The following SH3TC2 variants were observed in gnomAD, a reference collection of about 807,000 sequenced individuals.
SH3TC2 encodes the protein SH3 domain and tetratricopeptide repeats 2, also known as SH3 domain and tetratricopeptide repeat-containing protein 2.
SH3TC2 carries 87 observed loss-of-function variants against 124.5 expected under a neutral mutation model. The observed-to-expected ratio is 0.70, with a 90% CI of 0.59 to 0.84. SH3TC2 has a LOEUF of 0.84. SH3TC2 is among the 40% of genes least tolerant of loss of function. The pLI is 0.00. For synonymous variants in SH3TC2, 634 were observed against 628.5 expected, an observed-to-expected ratio of 1.01 and a Z score of -0.13; for missense variants, 1,536 against 1,566.4, an observed-to-expected ratio of 0.98 and a Z score of 0.33.
Position 149,006,906 on chromosome 5 carries a change from C to T in SH3TC2, c.3650G>A (p.Gly1217Asp), listed in dbSNP as rs758669363. ...CTTCAGCTGGCAGAAGGTGAGTCTGCCCAGGCGATAATACACCTTGGCATA... is the reference window on the plus strand; with the variant it reads ...CTTCAGCTGGCAGAAGGTGAGTCTGTCCAGGCGATAATACACCTTGGCATA... ...LYYAKVYYRL[G>D]RLTFCQLKDA... The change falls in exon 16 of 17, where the codon GGC (glycine) becomes GAC (aspartate). Residue 1217 changes from glycine (G) to aspartate (D), a missense_variant. Gly to Asp is a moderately conservative substitution (Grantham distance 94). Coordinates refer to ENST00000515425, the MANE Select transcript of SH3TC2 (RefSeq NM_024577.4). 1.1e-5 allele frequency: 17 copies of T among 1,613,940 alleles called. No homozygotes were observed. The South Asian group carries it at 1.3e-4, about 13-fold the overall frequency.
intron 1 of SH3TC2, among the ~76,000 whole-genome samples, chr5:149,059,477 C>T (rs1754708034): frequency 6.6e-6 from 1 of 151,958 alleles, no homozygotes. Flanking sequence ...CATTTATCTG[C>T]ATGTTTTTTT....
intron 12 of SH3TC2, chr5:149,025,960 T>C (rs1288152250): frequency 2.0e-5 from 3 of 153,266 alleles, no homozygotes; most frequent in Non-Finnish European, 4.4e-5. Flanking sequence ...AAAGTTGAAA[T>C]TGTAATCTAA....
At chr5:149,018,593 G>T (rs1310520455) in intron 12 of SH3TC2, among the ~76,000 whole-genome samples, 1 of 152,038 alleles carries the variant, frequency 6.6e-6, no homozygotes, top group Non-Finnish European at 1.5e-5. Context: ...AAGAGTATGG[G>T]GGAAACCGTG....
chr5:149,003,853 A>G lies in SH3TC2; in HGVS notation c.*858T>C. 4.3e-6 allele frequency: 1 copy of G among 233,126 alleles called. No individual in the cohort carries two copies. The highest frequency in any genetic ancestry group is 1.4e-4 in the East Asian group (1 of 7,066). The allele number at this position is 233,126 out of a possible 1,614,324, so 14.4% of individuals were successfully genotyped here. A position where few individuals can be genotyped will look rare whatever the true frequency, so the allele number is the denominator to read the frequency against. ...GCAACAGAGGAGAAACTGTCTCAAA[A>G]AAAAAAAAAAAAAAAAAAGACATGT... On this transcript the variant is annotated 3_prime_UTR_variant, in exon 17 of 17. Transcript: ENST00000515425.
At chr5:149,058,798 CA>C (rs1211996301) in intron 1 of SH3TC2, among the ~76,000 whole-genome samples, 16 of 151,992 alleles carry the variant, frequency 1.1e-4, no homozygotes, top group Admixed American at 6.6e-4. Context: ...TTAAGGCAGG[CA>C]GGGGTGTTTA....
chr5:149,059,264 G>A (rs1436343916), intron 1 of SH3TC2, among the ~76,000 whole-genome samples: 2 of 151,990 alleles, frequency 1.3e-5, no homozygotes, highest in African/African-American at 4.8e-5. Flanking sequence ...CAAATCAATG[G>A]GTAGGAATGG....
chr5:149,012,738 G>T lies in SH3TC2; in HGVS notation c.3054-4C>A, dbSNP rs1204295942. 1.2e-6 allele frequency: 2 copies of T among 1,614,084 alleles called. No individual in the cohort carries two copies. The highest frequency in any genetic ancestry group is 4.5e-5 in the East Asian group (2 of 44,876). The stretch of plus-strand genomic sequence containing the variant: ...TGTGAGTGACCTCCTGAGGGACCTG[G>T]GGACAGACATGAACTTGTGAGGTGT... On this transcript the variant is annotated splice_region_variant and splice_polypyrimidine_tract_variant and intron_variant, in intron 12 of 16. Coordinates refer to ENST00000515425, the MANE Select transcript of SH3TC2 (RefSeq NM_024577.4).
rs367587126 is a variant in SH3TC2, at chr5:149,001,273, A to C, written c.*3438T>G. The stretch of plus-strand genomic sequence containing the variant: ...GACAAAAGCAATATTGGATTTCAGA[A>C]TGTTAATACTGTTGGACAGGGAACT... On this transcript the variant is annotated 3_prime_UTR_variant, in exon 17 of 17. Coordinates refer to ENST00000515425, the MANE Select transcript of SH3TC2 (RefSeq NM_024577.4). The C allele has an allele frequency of 1.1e-3, 166 of 152,350 alleles. No homozygotes were observed. The highest frequency in any genetic ancestry group is 3.8e-3 in the African/African-American group (158 of 41,576). The allele number at this position is 152,350 out of a possible 1,614,324, so 9.4% of individuals were successfully genotyped here. A position where few individuals can be genotyped will look rare whatever the true frequency, so the allele number is the denominator to read the frequency against.
In SH3TC2 at chr5:149,008,896, C is replaced by A. The variant is rs141715248; in HGVS notation, c.3433G>T (p.Ala1145Ser). Reference protein sequence around the residue: ...LQISLEGYEKALEFATLAARL... With the variant: ...LQISLEGYEKSLEFATLAARL... ...GCGGCCAGGGTGGCAAATTCCAAAGCCTTCTCATAGCCTTCGAGGCTAATC... is the reference window on the plus strand; with the variant it reads ...GCGGCCAGGGTGGCAAATTCCAAAGACTTCTCATAGCCTTCGAGGCTAATC... The change falls in exon 15 of 17, where the codon GCT becomes TCT. Residue 1145 changes from alanine (A) to serine (S), a missense_variant. Physicochemically the swap from Ala to Ser is moderately conservative, Grantham distance 99 (BLOSUM62 1). Transcript: ENST00000515425. The A allele has an allele frequency of 1.2e-5, 19 of 1,614,080 alleles. No homozygotes were observed. Among genetic ancestry groups the A allele is most frequent in the Non-Finnish European group, 1.5e-5 (18 of 1,180,040 alleles).
chr5:149,020,275 A>T (rs1753947185), intron 12 of SH3TC2, among the ~76,000 whole-genome samples: 3 of 152,230 alleles, frequency 2.0e-5, no homozygotes, highest in Admixed American at 1.3e-4. Context: ...TTTTATTTTT[A>T]AAAAATGTTA....
rs1371058505 is a variant in SH3TC2, at chr5:149,040,641, A to G, written c.768T>C (p.Leu256=). 6.2e-6 allele frequency: 10 copies of G among 1,614,054 alleles called. No homozygotes were observed. The highest frequency in any genetic ancestry group is 1.7e-5 in the Admixed American group (1 of 60,008). ...AGCCTGTCCAATCCCTCTTCCTGGA[A>G]AGGCCACAGCTTCCTGGATAATTCT... ...FLKNYPGSCG[L]SRKRDWTGSY... is the part of the protein sequence containing the mutation. The change falls in exon 7 of 17, where the codon CTT becomes CTC. Residue 256 remains leucine (L), a synonymous_variant. Coordinates refer to ENST00000515425, the MANE Select transcript of SH3TC2 (RefSeq NM_024577.4).
In SH3TC2 at chr5:149,000,122, A is replaced by T. The variant is rs1442853322; in HGVS notation, c.*4589T>A. 6.6e-6 allele frequency among the ~76,000 whole-genome samples: 1 copy of T among 152,196 alleles called. No individual in the cohort carries two copies. The highest frequency in any genetic ancestry group is 1.5e-5 in the Non-Finnish European group (1 of 68,036). ...ATCCCTTCCCCGCAGTGCCTGTAAC[A>T]TCCTGTAACTAACACCAATCACAAT... On this transcript the variant is annotated 3_prime_UTR_variant, in exon 17 of 17. Transcript: ENST00000515425.
intron 9 of SH3TC2, 93 bp downstream of exon 9, chr5:149,031,461 T>C: frequency 6.5e-7 from 1 of 1,538,082 alleles, no homozygotes; most frequent in Admixed American, 1.7e-5. Flanking sequence ...ATGAATAGGA[T>C]TAGAATTTAG....
chr5:149,032,634 C>T (rs918874587), intron 8 of SH3TC2, among the ~76,000 whole-genome samples: 4 of 152,186 alleles, frequency 2.6e-5, no homozygotes, highest in African/African-American at 9.7e-5. Flanking sequence ...AAGGCACGTA[C>T]TACTCTTATC....
rs762867374 is a variant in SH3TC2, at chr5:149,047,968, A to T, written c.173T>A (p.Val58Glu). 1 of 1,614,134 alleles carries T rather than the reference A, an allele frequency of 6.2e-7. No homozygotes were observed. Among genetic ancestry groups the T allele is most frequent in the Non-Finnish European group, 8.5e-7 (1 of 1,179,996 alleles). Residue 58 changes from valine (V) to glutamate (E), a missense_variant, in exon 3 of 17, where the codon GTA (valine) becomes GAA (glutamate). By Grantham distance (121) the Val-to-Glu change is moderately radical. Around this residue, in one of 3 missense-constraint regions of SH3TC2, gnomAD observed 1,102 missense variants for 1,098.6 expected, o/e 1.00. Coordinates refer to ENST00000515425, the MANE Select transcript of SH3TC2 (RefSeq NM_024577.4). ...TACACACCTCCTGGAGCGGCTCTTT[A>T]CACAGAAGGAGAGTGTCAGGTCTTA... ...INPDLTLSFC[V>E]KSRSRRCVNG...
At chr5:149,061,324 G>C (rs1443890764) in intron 1 of SH3TC2, among the ~76,000 whole-genome samples, 1 of 152,164 alleles carries the variant, frequency 6.6e-6, no homozygotes, top group Non-Finnish European at 1.5e-5. Context: ...AGCCGCTCTA[G>C]GTAGGAATGA....
In SH3TC2 at chr5:148,994,616, T is replaced by A. The variant is rs1251167682; in HGVS notation, c.*10095A>T. Among the ~76,000 whole-genome samples, 1 of 144,354 alleles carries A rather than the reference T, an allele frequency of 6.9e-6. No homozygotes were observed. Among genetic ancestry groups the A allele is most frequent in the Non-Finnish European group, 1.5e-5 (1 of 66,236 alleles). The allele number at this position is 144,354 out of a possible 152,430, so 94.7% of individuals were successfully genotyped here. On this transcript the variant is annotated 3_prime_UTR_variant, in exon 17 of 17. Transcript: ENST00000515425. Reference sequence around the variant, plus strand: ...GGTGGTTAGATGGTTGGTTGGTTGGTTGGTTGGTTGGTTGGTTGGTTGGTT... The same window carrying A: ...GGTGGTTAGATGGTTGGTTGGTTGGATGGTTGGTTGGTTGGTTGGTTGGTT...
chr5:149,015,020 G>C (rs902908024), intron 12 of SH3TC2, among the ~76,000 whole-genome samples: 1 of 152,090 alleles, frequency 6.6e-6, no homozygotes, highest in Non-Finnish European at 1.5e-5. Flanking sequence ...CAAGATTTAG[G>C]TTATTACAGA....
intron 3 of SH3TC2, 158 bp from the exon 4 acceptor site, chr5:149,044,796 T>C (rs1315381195): frequency 9.5e-6 from 6 of 632,430 alleles, no homozygotes; most frequent in African/African-American, 7.3e-5. Flanking sequence ...CAATAAGAGA[T>C]TGGTTAAAAT....
Sources: allele counts gnomAD v4.1 joint callset (sites outside exome capture counted in the v4.1 genomes callset), GRCh38; gene constraint gnomAD v4.1.1; regional missense constraint gnomAD v4.1.1; transcripts MANE v1.5; gene names NCBI Gene and HGNC (gene_info 2026-07-23, HGNC 2026-07-21).